The following HIVEP3 variants were observed in gnomAD, a reference collection of about 807,000 sequenced individuals.
HIVEP3 encodes HIVEP zinc finger 3.
HIVEP3 carries 49 observed loss-of-function variants against 152.8 expected under a neutral mutation model. The observed-to-expected ratio is 0.32, with a 90% CI of 0.26 to 0.41. HIVEP3 has a LOEUF of 0.41. Ranked by LOEUF, HIVEP3 falls within the 10% of genes least tolerant of loss-of-function variation. The pLI, the probability that HIVEP3 is intolerant of heterozygous loss-of-function variation, is 1.00. For synonymous variants in HIVEP3, 1,269 were observed against 1,289.0 expected (o/e 0.98, Z 0.33); for missense variants, 2,790 against 3,103.3 (o/e 0.90, Z 2.40).
chr1:41,930,747 C>A (rs374973222), intron 1 of HIVEP3, among the ~76,000 whole-genome samples: 1 of 152,122 alleles, frequency 6.6e-6, no homozygotes, highest in Non-Finnish European at 1.5e-5. Flanking sequence ...TGAAAGAGTT[C>A]CAGAGGCTCT....
chr1:41,805,132 T>A (rs1650526341), intron 1 of HIVEP3, among the ~76,000 whole-genome samples: 1 of 152,080 alleles, frequency 6.6e-6, no homozygotes, highest in Non-Finnish European at 1.5e-5. Flanking sequence ...AGGTCAGAAG[T>A]TCGAGACCAG....
Position 41,582,010 on chromosome 1 carries a change from G to A in HIVEP3, c.2788C>T (p.Arg930Cys), listed in dbSNP as rs200540746. The A allele has an allele frequency of 2.4e-5, 39 of 1,614,182 alleles. No individual in the cohort carries two copies. Among genetic ancestry groups the A allele is most frequent in the Admixed American group, 1.3e-4 (8 of 60,030 alleles). ...ACATTGCTTTCCTGGCTCGGGCTGC[G>A]AGACAGAGGCACAGAGGACTCGAAG... ...SSFESSVPLS[R>C]SPSQESNVSL... Residue 930 changes from arginine to cysteine, a missense_variant, in exon 4 of 9, where the codon CGC becomes TGC. By Grantham distance (180) the Arg-to-Cys change is radical. Transcript: ENST00000372583. This position sits in a 1 kb window ranked among gnomAD's most constrained non-coding sequence, Gnocchi z 4.7.
At chr1:41,937,870 C>G (rs1645027421) in intron 1 of HIVEP3, among the ~76,000 whole-genome samples, 1 of 152,196 alleles carries the variant, frequency 6.6e-6, no homozygotes, top group African/African-American at 2.4e-5. Flanking sequence ...CAAGACTGAA[C>G]AACCAATCAT....
chr1:41,599,521 C>A (rs1394105150), intron 3 of HIVEP3, among the ~76,000 whole-genome samples: 1 of 152,038 alleles, frequency 6.6e-6, no homozygotes, highest in Admixed American at 6.5e-5. Context: ...TGTTTGAAAA[C>A]AAATTCCTAA....
At chr1:41,870,834 G>C (rs1203450910) in intron 1 of HIVEP3, among the ~76,000 whole-genome samples, 1 of 152,164 alleles carries the variant, frequency 6.6e-6, no homozygotes, top group African/African-American at 2.4e-5. Flanking sequence ...AGGCTATCTG[G>C]GTTAGGGTCT....
At chr1:41,927,938 A>G (rs1314749844) in intron 1 of HIVEP3, among the ~76,000 whole-genome samples, 1 of 151,634 alleles carries the variant, frequency 6.6e-6, no homozygotes, top group Admixed American at 6.6e-5. Flanking sequence ...ACGTGTGCCT[A>G]TAATCCCAGC....
At chr1:41,993,165 A>T (rs1481335302) in intron 1 of HIVEP3, among the ~76,000 whole-genome samples, 1 of 150,782 alleles carries the variant, frequency 6.6e-6, no homozygotes, top group African/African-American at 2.4e-5. Flanking sequence ...TAATTAAACT[A>T]AAGAGCTTCT....
chr1:42,000,919 A>T (rs765971954), intron 1 of HIVEP3, among the ~76,000 whole-genome samples: 27 of 152,242 alleles, frequency 1.8e-4, no homozygotes, highest in Non-Finnish European at 2.6e-4. Flanking sequence ...TAAATGGAAC[A>T]AGCATCCATA....
Position 41,533,746 on chromosome 1 carries a change from C to T in HIVEP3, c.5208-8836G>A, listed in dbSNP as rs1421508220. 6.6e-6 allele frequency among the ~76,000 whole-genome samples: 1 copy of T among 151,996 alleles called. No individual in the cohort carries two copies. The highest frequency in any genetic ancestry group is 1.5e-5 in the Non-Finnish European group (1 of 67,996). On this transcript the variant is annotated intron_variant, in intron 5 of 8. Transcript: ENST00000372583. This position sits in a 1 kb window ranked among gnomAD's most constrained non-coding sequence, Gnocchi z 4.3. The stretch of plus-strand genomic sequence containing the variant: ...AGCCTCCGACCTGCACTCTTCTCAC[C>T]ACACACCTTCCCCAGGTGACCCTCC...
At chr1:41,727,736 C>T (rs1435508140) in intron 1 of HIVEP3, among the ~76,000 whole-genome samples, 1 of 152,170 alleles carries the variant, frequency 6.6e-6, no homozygotes, top group Non-Finnish European at 1.5e-5. Context: ...GGCCTCATCC[C>T]GCCAGCCTAG....
intron 5 of HIVEP3, chr1:41,542,330 C>T: frequency 6.5e-6 from 1 of 154,284 alleles, no homozygotes; most frequent in African/African-American, 2.4e-5. Context: ...CCATAACATG[C>T]TGATGGGGAT....
chr1:41,611,293 G>A (rs1191584550), intron 3 of HIVEP3, among the ~76,000 whole-genome samples: 2 of 152,096 alleles, frequency 1.3e-5, no homozygotes, highest in African/African-American at 4.8e-5. Context: ...GCTATACACG[G>A]GCAAAGGGAC....
At chr1:41,778,960 C>T (rs1173970251) in intron 1 of HIVEP3, among the ~76,000 whole-genome samples, 1 of 152,182 alleles carries the variant, frequency 6.6e-6, no homozygotes, top group Non-Finnish European at 1.5e-5. Context: ...GAGGAAACAG[C>T]ATATGCATAT....
intron 3 of HIVEP3, among the ~76,000 whole-genome samples, chr1:41,590,693 T>C (rs1389313591): frequency 6.6e-6 from 1 of 152,298 alleles, no homozygotes; most frequent in Non-Finnish European, 1.5e-5. Context: ...TGTTGGTGTC[T>C]GGGAGGCTGA....
At chr1:41,614,150 G>T (rs58737163) in intron 3 of HIVEP3, among the ~76,000 whole-genome samples, 66,027 of 152,044 alleles carry the variant, frequency 0.43, 14,939 homozygotes, top group Non-Finnish European at 0.51. Context: ...GCCACAACAT[G>T]GGCAGTCTGA....
At chr1:41,922,656 T>G (rs766367573), upstream of HIVEP3, among the ~76,000 whole-genome samples, 1 of 152,118 alleles carries the variant, frequency 6.6e-6, no homozygotes, top group Non-Finnish European at 1.5e-5. Flanking sequence ...AAGATAAGAG[T>G]ATAAGTACAT....
At position 41,583,026 on chromosome 1, in the gene HIVEP3, G is replaced by C; in HGVS notation, c.1772C>G (p.Pro591Arg). The part of the protein sequence containing the change: ...TSHPRMLKRQ[P>R]AIELPLGGEY... ...CCCTCCCAAAGGTAATTCGATTGCC[G>C]GCTGGCGCTTCAGCATCCGGGGGTG... Residue 591 changes from proline to arginine, a missense_variant, in exon 4 of 9, where the codon CCG becomes CGG. Physicochemically the swap from Pro to Arg is moderately radical, Grantham distance 103. Coordinates refer to ENST00000372583, the MANE Select transcript of HIVEP3 (RefSeq NM_024503.5). The surrounding 1 kb of genome is among the most constrained non-coding windows in gnomAD (Gnocchi z 6.9). The C allele has an allele frequency of 1.9e-6, 3 of 1,614,032 alleles. No homozygotes were observed. The highest frequency in any genetic ancestry group is 2.5e-6 in the Non-Finnish European group (3 of 1,180,012).
At chr1:41,542,782 C>A in intron 5 of HIVEP3, 1 of 163,480 alleles carries the variant, frequency 6.1e-6, no homozygotes, top group East Asian at 1.7e-4. Context: ...GAAGAGCAGG[C>A]TTCAGTTCCT....
chr1:41,594,931 G>C (rs1207141740), intron 3 of HIVEP3, among the ~76,000 whole-genome samples: 2 of 152,100 alleles, frequency 1.3e-5, no homozygotes, highest in Non-Finnish European at 2.9e-5. Flanking sequence ...TAAAGATAAA[G>C]CTTAAGTTTT....
Sources: allele counts gnomAD v4.1 joint callset (sites outside exome capture counted in the v4.1 genomes callset), GRCh38; gene constraint gnomAD v4.1.1; non-coding constraint Gnocchi (gnomAD v3.1); transcripts MANE v1.5; gene names NCBI Gene and HGNC (gene_info 2026-07-23, HGNC 2026-07-21).